The following HEATR5A variants were observed in gnomAD, a reference collection of about 807,000 sequenced individuals.
HEATR5A encodes HEAT repeat-containing protein 5A.
Under a neutral mutation model 218.8 loss-of-function variants are expected in HEATR5A, and 178 were observed. The ratio of observed to expected loss-of-function variants is 0.81; its 90% CI spans 0.72 to 0.92. HEATR5A has a LOEUF of 0.92. Among genes scored for constraint, HEATR5A ranks in the 40% least tolerant of loss-of-function variants. The pLI is 0.00. For synonymous variants in HEATR5A, 864 were observed against 871.6 expected (o/e 0.99, Z 0.15); for missense variants, 2,420 against 2,418.9 (o/e 1.00, Z -0.01).
intron 32 of HEATR5A, among the ~76,000 whole-genome samples, chr14:31,304,430 T>G (rs1267285317): frequency 6.6e-6 from 1 of 152,232 alleles, no homozygotes; most frequent in Non-Finnish European, 1.5e-5. Flanking sequence ...TCTCTCTTTT[T>G]TTTTTAGACA....
At position 31,334,016 on chromosome 14, in the gene HEATR5A, C is replaced by A. The variant is rs140793152; in HGVS notation, c.3367+3460G>T. Among the ~76,000 whole-genome samples, 37 of 121,370 alleles carry A rather than the reference C, an allele frequency of 3.0e-4. No homozygotes were observed. In the East Asian group the frequency reaches 8.9e-3, roughly 29 times the overall value. The allele number at this position is 121,370 out of a possible 152,430, so 79.6% of individuals were successfully genotyped here. On this transcript the variant is annotated intron_variant, in intron 22 of 35. Transcript: ENST00000543095. ...TCGTGCCACTGCACTCCAGCCAGGG[C>A]GACAGAGACAGACCCTGTCTCAAAA...
chr14:31,347,740 G>A lies in HEATR5A; in HGVS notation c.2868+8C>T, dbSNP rs778050595. ...AATTTCAAGGGAAGTATCACATGAG[G>A]TACCCACCTGCACATCAGGAGAAGT... On this transcript the variant is annotated splice_region_variant and intron_variant, in intron 19 of 35. Transcript: ENST00000543095. 6.4e-7 allele frequency: 1 copy of A among 1,569,582 alleles called. No homozygotes were observed. The highest frequency in any genetic ancestry group is 8.6e-7 in the Non-Finnish European group (1 of 1,161,200).
At chr14:31,299,417 T>G (rs765352700) in intron 33 of HEATR5A, among the ~76,000 whole-genome samples, 1 of 152,192 alleles carries the variant, frequency 6.6e-6, no homozygotes, top group Non-Finnish European at 1.5e-5. Flanking sequence ...CATATTACTT[T>G]CCTTTTTAAA....
At chr14:31,386,234 T>C (rs184464411) in intron 9 of HEATR5A, among the ~76,000 whole-genome samples, 186 bp downstream of exon 9, 3 of 152,178 alleles carry the variant, frequency 2.0e-5, no homozygotes, top group East Asian at 3.8e-4. Context: ...TAGAGAACAA[T>C]CTTTAATTAC....
At chr14:31,385,233 C>T (rs2139279905) in intron 9 of HEATR5A, among the ~76,000 whole-genome samples, 1 of 152,312 alleles carries the variant, frequency 6.6e-6, no homozygotes, top group East Asian at 1.9e-4. Flanking sequence ...ATAAGTGATG[C>T]TCCTGGCTCA....
At chr14:31,416,714 C>T (rs1029841151) in intron 1 of HEATR5A, among the ~76,000 whole-genome samples, 2 of 152,088 alleles carry the variant, frequency 1.3e-5, no homozygotes, top group African/African-American at 4.8e-5. Context: ...TTGGTTCTCA[C>T]TGTAAATATG....
At position 31,369,850 on chromosome 14, in the gene HEATR5A, C is replaced by T. The variant is rs145472479; in HGVS notation, c.1961+1960G>A. ...AGCTGAGGCAGAAGAATCTCTTGAA[C>T]GGGGACCCGGGAGACGGAGGTTGCT... On this transcript the variant is annotated intron_variant, in intron 13 of 35. Transcript: ENST00000543095. Among the ~76,000 whole-genome samples the T allele has an allele frequency of 1.9e-3, 284 of 150,396 alleles. 2 individuals are homozygous for T. The highest frequency in any genetic ancestry group is 6.5e-3 in the African/African-American group (266 of 40,862).
At position 31,402,798 on chromosome 14, in the gene HEATR5A, G is replaced by C; in HGVS notation, c.126+52C>G. 3 of 1,512,226 alleles carry C rather than the reference G, an allele frequency of 2.0e-6. No homozygotes were observed. In the South Asian group the frequency reaches 3.6e-5, roughly 18 times the overall value. 93.7% of individuals were successfully genotyped at this position (1,512,226 alleles called of 1,614,324 possible). A position where few individuals can be genotyped will look rare whatever the true frequency, so the allele number is the denominator to read the frequency against. Reference sequence around the variant, plus strand: ...AAAAAACTAGAAAAGCAAACCAAAGGAAGTAAACATGGGCACTTAAACAAA... The same window carrying C: ...AAAAAACTAGAAAAGCAAACCAAAGCAAGTAAACATGGGCACTTAAACAAA... On this transcript the variant is annotated intron_variant, in intron 2 of 35. Transcript: ENST00000543095.
chr14:31,400,482 C>T lies in HEATR5A; in HGVS notation c.157G>A (p.Val53Ile). 1 of 1,535,610 alleles carries T rather than the reference C, an allele frequency of 6.5e-7. No individual in the cohort carries two copies. Among genetic ancestry groups the T allele is most frequent in the Non-Finnish European group, 8.7e-7 (1 of 1,146,582 alleles). The change falls in exon 3 of 36, where the codon GTT becomes ATT. Residue 53 changes from valine to isoleucine, a missense_variant. Coordinates refer to ENST00000543095, the MANE Select transcript of HEATR5A (RefSeq NM_015473.4). ...TTCAACAAAGACAGGAGCTGTTCAA[C>T]AAGAGTCTTCTGTTTCTCCCTTACA... is the stretch of plus-strand genomic sequence containing the variant. ...NDVREKQKTL[V>I]EQLLSLLNSS... is the part of the protein sequence containing the mutation.
chr14:31,387,811 C>T (rs1171037984), intron 7 of HEATR5A, among the ~76,000 whole-genome samples: 5 of 152,188 alleles, frequency 3.3e-5, no homozygotes, highest in Non-Finnish European at 5.9e-5. Flanking sequence ...CCACCAGCCT[C>T]GGCCTCCCAA....
chr14:31,343,794 A>G (rs1900921435), intron 21 of HEATR5A, 102 bp downstream of exon 21: 15 of 969,528 alleles, frequency 1.5e-5, no homozygotes, highest in East Asian at 5.5e-5. Context: ...TATATAACAC[A>G]TAACTTTGTA....
chr14:31,409,940 A>G (rs971270172), intron 1 of HEATR5A, among the ~76,000 whole-genome samples: 2 of 152,170 alleles, frequency 1.3e-5, no homozygotes, highest in East Asian at 3.9e-4. Context: ...AAAGTATTCT[A>G]ATCTTCTTGG....
chr14:31,358,752 C>T lies in HEATR5A; in HGVS notation c.2296G>A (p.Glu766Lys). 2 of 1,613,856 alleles carry T rather than the reference C, an allele frequency of 1.2e-6. No homozygotes were observed. Among genetic ancestry groups the T allele is most frequent in the South Asian group, 2.2e-5 (2 of 91,074 alleles). ...ACTGAATCTCCCTCTACATCTTTCTCATAAATCGAATAAGGGTCATATTCA... is the reference window on the plus strand; with the variant it reads ...ACTGAATCTCCCTCTACATCTTTCTTATAAATCGAATAAGGGTCATATTCA... ...SLEYDPYSIY[E>K]KDVEGDSVPK... The change falls in exon 16 of 36, where the codon GAG becomes AAG. Residue 766 changes from glutamate to lysine, a missense_variant. Transcript: ENST00000543095.
chr14:31,400,735 G>T (rs1043444552), intron 2 of HEATR5A, among the ~76,000 whole-genome samples: 7 of 151,882 alleles, frequency 4.6e-5, no homozygotes, highest in African/African-American at 1.7e-4. Flanking sequence ...CAAAAATTCC[G>T]AACCACATTA....
intron 12 of HEATR5A, among the ~76,000 whole-genome samples, chr14:31,374,446 C>T (rs1280910129): frequency 6.6e-6 from 1 of 152,078 alleles, no homozygotes; most frequent in Non-Finnish European, 1.5e-5. Context: ...GCATCCCTAA[C>T]CTCCATGCTG....
intron 1 of HEATR5A, 104 bp downstream of exon 1, chr14:31,420,368 A>C (rs1566789429): frequency 6.6e-6 from 1 of 152,000 alleles, no homozygotes; most frequent in Non-Finnish European, 1.5e-5. Context: ...CGCTCAACTC[A>C]TACAGCGGCC....
intron 1 of HEATR5A, among the ~76,000 whole-genome samples, chr14:31,417,838 T>C: frequency 6.6e-6 from 1 of 151,986 alleles, no homozygotes; most frequent in Non-Finnish European, 1.5e-5. Flanking sequence ...TCCTCTATCA[T>C]TACACACTGC....
chr14:31,348,353 A>T (rs540497478), intron 18 of HEATR5A, among the ~76,000 whole-genome samples: 1 of 152,226 alleles, frequency 6.6e-6, no homozygotes, highest in East Asian at 1.9e-4. Context: ...AGGCGGGAGG[A>T]TCACTTCAAC....
In HEATR5A at chr14:31,380,657, G is replaced by A. The variant is rs771494829; in HGVS notation, c.1597-79C>T. ...AAATGATAGCAGCTAACAATATCTT[G>A]AAAAATTAATTCTTACATAAAATAA... On this transcript the variant is annotated intron_variant, in intron 10 of 35. Transcript: ENST00000543095. The A allele has an allele frequency of 5.6e-4, 476 of 856,886 alleles. 1 individual carries two copies. The highest frequency in any genetic ancestry group is 7.4e-4 in the Non-Finnish European group (401 of 540,808). 53.1% of individuals were successfully genotyped at this position (856,886 alleles called of 1,614,324 possible).
Sources: gnomAD v4.1 joint callset for allele counts (sites outside exome capture counted in the v4.1 genomes callset) on GRCh38, gnomAD v4.1.1 for gene constraint, MANE v1.5 for transcripts, NCBI Gene and HGNC (gene_info 2026-07-23, HGNC 2026-07-21) for gene names.